CAPZB: variants seen among roughly 807,000 people sequenced by gnomAD.
The protein encoded by CAPZB is F-actin-capping protein subunit beta.
A neutral mutation model predicts 38.1 loss-of-function variants in CAPZB; 2 were observed. That is an observed-to-expected ratio of 0.05 (90% CI 0.02 to 0.17). The LOEUF is 0.17. CAPZB is among the 10% of genes least tolerant of loss of function. CAPZB has a pLI of 1.00. For synonymous variants in CAPZB, 107 were observed against 127.4 expected (o/e 0.84, Z 1.08); for missense variants, 161 against 334.2 (o/e 0.48, Z 4.04).
chr1:19,347,296 C>T (rs1270160673), intron 6 of CAPZB, among the ~76,000 whole-genome samples: 1 of 152,202 alleles, frequency 6.6e-6, no homozygotes, highest in Non-Finnish European at 1.5e-5. Flanking sequence ...TCACTGTGAA[C>T]AAGCCCTGCA....
At chr1:19,419,631 C>G in intron 2 of CAPZB, 30 bp downstream of exon 2, 1 of 1,375,138 alleles carries the variant, frequency 7.3e-7, no homozygotes, top group Non-Finnish European at 1.0e-6. Context: ...GCCGCAGTCT[C>G]AAATGGAACC....
chr1:19,442,915 A>G (rs987012954), intron 1 of CAPZB, among the ~76,000 whole-genome samples: 1 of 151,988 alleles, frequency 6.6e-6, no homozygotes, highest in Non-Finnish European at 1.5e-5. Flanking sequence ...AACAACCTCT[A>G]CGCCAGTGGT....
chr1:19,344,431 T>C lies in CAPZB; in HGVS notation c.658A>G (p.Met220Val). 4 of 1,613,824 alleles carry C rather than the reference T, an allele frequency of 2.5e-6. No individual in the cohort carries two copies. The highest frequency in any genetic ancestry group is 3.4e-6 in the Non-Finnish European group (4 of 1,179,684). ...IANIGRLVED[M>V]ENKIRSTLNE... ...AGCGTACTTCTGATTTTATTTTCCA[T>C]GTCCTGGAAGGGAGGTCGGTCAGCG... is the stretch of plus-strand genomic sequence containing the variant. The change falls in exon 8 of 9, where the codon ATG becomes GTG. Residue 220 changes from methionine (M) to valine (V), a missense_variant. Met to Val is a conservative substitution (Grantham distance 21). Coordinates refer to ENST00000264202, the MANE Select transcript of CAPZB (RefSeq NM_004930.5).
At chr1:19,479,783 G>T (rs2094620941) in intron 1 of CAPZB, among the ~76,000 whole-genome samples, 1 of 152,156 alleles carries the variant, frequency 6.6e-6, no homozygotes, top group African/African-American at 2.4e-5. Flanking sequence ...TACCTGCCCT[G>T]TCAAAAATTT....
At position 19,441,014 on chromosome 1, in the gene CAPZB, C is replaced by T. The variant is rs574077069; in HGVS notation, c.4-21264G>A. ...GGCGGAGCTTGCAGTGAGCTGAGAT[C>T]GTGCCACTGCACTCCAGCCTGGGCG... On this transcript the variant is annotated intron_variant, in intron 1 of 8. Transcript: ENST00000264202. Among the ~76,000 whole-genome samples, 184 of 152,172 alleles carry T rather than the reference C, an allele frequency of 1.2e-3. 1 individual carries two copies. The highest frequency in any genetic ancestry group is 4.4e-3 in the African/African-American group (181 of 41,534).
At chr1:19,409,691 A>C (rs1394988703) in intron 2 of CAPZB, among the ~76,000 whole-genome samples, 2 of 152,202 alleles carry the variant, frequency 1.3e-5, no homozygotes, top group Admixed American at 1.3e-4. Flanking sequence ...GGACAACTCT[A>C]ATAGCCTCAG....
intron 1 of CAPZB, among the ~76,000 whole-genome samples, chr1:19,472,413 C>T (rs1416635474): frequency 6.6e-6 from 1 of 152,204 alleles, no homozygotes; most frequent in Non-Finnish European, 1.5e-5. Flanking sequence ...AGACTGTGGC[C>T]TCTGCTCGTC....
chr1:19,388,292 T>C (rs985742783), intron 2 of CAPZB, among the ~76,000 whole-genome samples: 2 of 152,300 alleles, frequency 1.3e-5, no homozygotes, highest in South Asian at 4.1e-4. Context: ...TAAGTTTTAC[T>C]GGGGCAAGGA....
intron 1 of CAPZB, among the ~76,000 whole-genome samples, chr1:19,474,330 C>T (rs184816646): frequency 6.6e-6 from 1 of 152,224 alleles, no homozygotes; most frequent in Admixed American, 6.5e-5. Flanking sequence ...CTCTGGACTA[C>T]CCTGGAAGAG....
intron 4 of CAPZB, among the ~76,000 whole-genome samples, chr1:19,373,688 G>T (rs77243486): frequency 0.013 from 1,928 of 150,872 alleles, 40 homozygotes; most frequent in African/African-American, 0.044. Flanking sequence ...TTATTTTTTA[G>T]TTTTCTTTTT....
intron 2 of CAPZB, among the ~76,000 whole-genome samples, chr1:19,393,955 C>T (rs1169604240): frequency 7.2e-5 from 11 of 152,256 alleles, no homozygotes. Context: ...CAGGTCCAGC[C>T]TCTCTCCTCT....
In CAPZB at chr1:19,351,333, G is replaced by A. The variant is rs578005833; in HGVS notation, c.588+5302C>T. Among the ~76,000 whole-genome samples the A allele has an allele frequency of 1.4e-4, 20 of 145,922 alleles. No homozygotes were observed. The South Asian group carries it at 1.8e-3, about 13-fold the overall frequency. On this transcript the variant is annotated intron_variant, in intron 6 of 8. Transcript: ENST00000264202. Reference sequence around the variant, plus strand: ...TGTTTATTATGTTTTTTAGAGACAGGGTCTTGCTCTGCTGCCCAGGCTGGA... The same window carrying A: ...TGTTTATTATGTTTTTTAGAGACAGAGTCTTGCTCTGCTGCCCAGGCTGGA...
chr1:19,409,543 C>T (rs1306834985), intron 2 of CAPZB, among the ~76,000 whole-genome samples: 1 of 152,154 alleles, frequency 6.6e-6, no homozygotes, highest in African/African-American at 2.4e-5. Context: ...TCCTACTTCT[C>T]CTATTGATGG....
intron 6 of CAPZB, among the ~76,000 whole-genome samples, chr1:19,347,113 T>A (rs565267744): frequency 6.6e-6 from 1 of 152,040 alleles, no homozygotes; most frequent in Admixed American, 6.6e-5. Context: ...AGTGCTGGGA[T>A]TACAAGTATG....
At chr1:19,445,347 G>A (rs2094492580) in intron 1 of CAPZB, among the ~76,000 whole-genome samples, 1 of 146,550 alleles carries the variant, frequency 6.8e-6, no homozygotes, top group Non-Finnish European at 1.5e-5. Context: ...TTTCATCCAT[G>A]AGGGGGAATT....
At chr1:19,377,607 T>C (rs1198283698) in intron 4 of CAPZB, among the ~76,000 whole-genome samples, 6 of 152,260 alleles carry the variant, frequency 3.9e-5, no homozygotes, top group African/African-American at 1.4e-4. Flanking sequence ...AGAGACCTTA[T>C]GTGGCCTGCA....
intron 2 of CAPZB, among the ~76,000 whole-genome samples, chr1:19,389,325 G>C (rs1041321104): frequency 1.3e-5 from 2 of 152,142 alleles, no homozygotes; most frequent in African/African-American, 4.8e-5. Context: ...TCCCCATTGA[G>C]GGTTGCTGGA....
At chr1:19,434,356 A>G (rs992186776) in intron 1 of CAPZB, among the ~76,000 whole-genome samples, 4 of 152,170 alleles carry the variant, frequency 2.6e-5, no homozygotes, top group African/African-American at 4.8e-5. Context: ...TTTGAGAACA[A>G]TATCACAAAA....
chr1:19,364,275 C>T (rs1440400718), intron 4 of CAPZB, among the ~76,000 whole-genome samples: 2 of 152,214 alleles, frequency 1.3e-5, no homozygotes, highest in Non-Finnish European at 2.9e-5. Flanking sequence ...TCTGACATTC[C>T]AGGATTTGGT....
Sources: allele counts gnomAD v4.1 joint callset (sites outside exome capture counted in the v4.1 genomes callset), GRCh38; gene constraint gnomAD v4.1.1; transcripts MANE v1.5; gene names NCBI Gene and HGNC (gene_info 2026-07-23, HGNC 2026-07-21).